GALNTL6: variants seen among roughly 807,000 people sequenced by gnomAD.
GALNTL6 encodes the protein polypeptide N-acetylgalactosaminyltransferase-like 6.
GALNTL6 carries 46 observed loss-of-function variants against 73.7 expected under a neutral mutation model. The observed-to-expected ratio is 0.62, with a 90% CI of 0.49 to 0.80. The LOEUF (loss-of-function observed/expected upper bound fraction) is 0.80. Ranked by LOEUF, GALNTL6 falls within the 30% of genes least tolerant of loss-of-function variation. The pLI, the probability that GALNTL6 is intolerant of heterozygous loss-of-function variation, is 0.00. For synonymous variants in GALNTL6, 259 were observed against 263.7 expected, an observed-to-expected ratio of 0.98 and a Z score of 0.17; for missense variants, 604 against 755.0, an observed-to-expected ratio of 0.80 and a Z score of 2.34.
chr4:172,158,299 G>A (rs924496644), intron 2 of GALNTL6, among the ~76,000 whole-genome samples: 5 of 151,988 alleles, frequency 3.3e-5, no homozygotes, highest in African/African-American at 9.6e-5. Context: ...TTCTAACAAA[G>A]ATAAAAATCT....
chr4:172,907,545 G>A (rs1041722250), intron 8 of GALNTL6, among the ~76,000 whole-genome samples: 1 of 152,146 alleles, frequency 6.6e-6, no homozygotes, highest in African/African-American at 2.4e-5. Flanking sequence ...TTTGCAAACT[G>A]CTTTTGCAAA....
At chr4:172,242,404 T>C (rs1356473611) in intron 3 of GALNTL6, among the ~76,000 whole-genome samples, 1 of 152,190 alleles carries the variant, frequency 6.6e-6, no homozygotes, top group Non-Finnish European at 1.5e-5. Context: ...CATTTGTTTT[T>C]AGTTTTGAAC....
chr4:171,897,922 G>C (rs1004813490), intron 2 of GALNTL6, among the ~76,000 whole-genome samples: 1 of 150,940 alleles, frequency 6.6e-6, no homozygotes, highest in African/African-American at 2.4e-5. Flanking sequence ...GTGAGACTCT[G>C]TCTCAAAAAT....
chr4:172,936,382 C>G (rs1748619611), intron 9 of GALNTL6, among the ~76,000 whole-genome samples: 1 of 152,158 alleles, frequency 6.6e-6, no homozygotes, highest in Non-Finnish European at 1.5e-5. Context: ...GACAAGGATA[C>G]CCTCTCTCAC....
intron 10 of GALNTL6, among the ~76,000 whole-genome samples, chr4:172,956,513 G>A (rs908731055): frequency 5.3e-5 from 8 of 152,296 alleles, no homozygotes; most frequent in South Asian, 2.1e-4. Flanking sequence ...AGCACCAGGA[G>A]ATATCAGCTG....
intron 3 of GALNTL6, among the ~76,000 whole-genome samples, chr4:172,255,235 G>A (rs972249552): frequency 1.5e-5 from 2 of 129,572 alleles, no homozygotes; most frequent in East Asian, 4.1e-4. Flanking sequence ...TTAATTGATA[G>A]CCCTCCAGTG....
chr4:172,369,675 T>C (rs1392752247), intron 5 of GALNTL6, among the ~76,000 whole-genome samples: 1 of 152,168 alleles, frequency 6.6e-6, no homozygotes. Flanking sequence ...CCGGCAGTGC[T>C]GGGTTACCTG....
At chr4:172,096,629 T>G (rs1732366892) in intron 2 of GALNTL6, among the ~76,000 whole-genome samples, 1 of 152,192 alleles carries the variant, frequency 6.6e-6, no homozygotes, top group South Asian at 2.1e-4. Flanking sequence ...TTTTGTTTGA[T>G]CCACAAATAA....
At chr4:172,746,323 G>A (rs546206751) in intron 5 of GALNTL6, among the ~76,000 whole-genome samples, 109 of 152,070 alleles carry the variant, frequency 7.2e-4, no homozygotes, top group African/African-American at 2.4e-3. Context: ...AACAACAATG[G>A]TACCAATTTG....
At chr4:172,531,681 C>A (rs1465831788) in intron 5 of GALNTL6, among the ~76,000 whole-genome samples, 1 of 152,206 alleles carries the variant, frequency 6.6e-6, no homozygotes, top group African/African-American at 2.4e-5. Flanking sequence ...CATGGTAATG[C>A]TGCTGGCTGA....
intron 5 of GALNTL6, chr4:172,380,021 G>C (rs1199991941): frequency 2.4e-5 from 23 of 945,272 alleles, no homozygotes; most frequent in Non-Finnish European, 3.8e-5. Context: ...TTGATGATCG[G>C]ATCAATTTAA....
chr4:172,755,287 G>A (rs1737691101), intron 5 of GALNTL6, among the ~76,000 whole-genome samples: 1 of 94,616 alleles, frequency 1.1e-5, no homozygotes, highest in Non-Finnish European at 2.4e-5. Context: ...ATAAATAGAT[G>A]CTTTTACAAA....
intron 2 of GALNTL6, among the ~76,000 whole-genome samples, chr4:171,873,453 A>T (rs1736190840): frequency 6.6e-6 from 1 of 152,208 alleles, no homozygotes; most frequent in South Asian, 2.1e-4. Flanking sequence ...CTTTAAATCA[A>T]GAGAAAATTT....
Position 171,814,673 on chromosome 4 carries a change from C to T in GALNTL6, c.93C>T (p.Tyr31=). ...FLPNVGLWSL[Y]KDKHLVKSAE... ...CTAACGTTGGTCTCTGGTCTCTGTACAAGGATAAGCACCTGGTGAAGTCAG... is the reference window on the plus strand; with the variant it reads ...CTAACGTTGGTCTCTGGTCTCTGTATAAGGATAAGCACCTGGTGAAGTCAG... Residue 31 remains tyrosine, a synonymous_variant, in exon 2 of 13, where the codon TAC becomes TAT. Transcript: ENST00000506823. 6.2e-7 allele frequency: 1 copy of T among 1,614,092 alleles called. No individual in the cohort carries two copies. Among genetic ancestry groups the T allele is most frequent in the Non-Finnish European group, 8.5e-7 (1 of 1,180,022 alleles).
rs111619542 is a variant in GALNTL6, at chr4:171,825,452, G to A, written c.138+10734G>A. Among the ~76,000 whole-genome samples, 640 of 152,246 alleles carry A rather than the reference G, an allele frequency of 4.2e-3. 2 individuals are homozygous for A. The highest frequency in any genetic ancestry group is 0.015 in the African/African-American group (606 of 41,556). ...TTTTCAGATAGCCTAGCAGAATGGT[G>A]TCAGATTAACAACTATGTAATGGAA... On this transcript the variant is annotated intron_variant, in intron 2 of 12. Coordinates refer to ENST00000506823, the MANE Select transcript of GALNTL6 (RefSeq NM_001034845.3).
intron 2 of GALNTL6, among the ~76,000 whole-genome samples, chr4:172,008,424 T>C (rs1282003579): frequency 3.3e-5 from 5 of 152,140 alleles, no homozygotes; most frequent in Non-Finnish European, 2.9e-5. Flanking sequence ...GTTAAATCTT[T>C]AATATTTGGT....
intron 5 of GALNTL6, among the ~76,000 whole-genome samples, chr4:172,460,993 T>TA (rs1027981960): frequency 2.0e-5 from 3 of 151,890 alleles, no homozygotes; most frequent in African/African-American, 7.2e-5. Flanking sequence ...ATAGATTGGA[T>TA]AAAAAAAATG....
intron 2 of GALNTL6, among the ~76,000 whole-genome samples, chr4:172,200,113 T>C (rs550106040): frequency 2.1e-4 from 32 of 152,288 alleles, no homozygotes; most frequent in Middle Eastern, 3.4e-3. Flanking sequence ...GTCCTCAAAA[T>C]CATCAGTAAT....
chr4:172,858,563 C>T (rs1334908863), intron 7 of GALNTL6, among the ~76,000 whole-genome samples: 2 of 152,136 alleles, frequency 1.3e-5, no homozygotes, highest in Admixed American at 6.5e-5. Flanking sequence ...GGCATAGTGG[C>T]TCATGCCTGT....
Sources: allele counts gnomAD v4.1 joint callset (sites outside exome capture counted in the v4.1 genomes callset), GRCh38; gene constraint gnomAD v4.1.1; transcripts MANE v1.5; gene names NCBI Gene and HGNC (gene_info 2026-07-23, HGNC 2026-07-21).